Variants in SPATS2L observed in about 807,000 individuals in gnomAD.
SPATS2L encodes the protein SPATS2-like protein.
A neutral mutation model predicts 59.6 loss-of-function variants in SPATS2L; 30 were observed. The observed-to-expected ratio is 0.50, with a 90% CI of 0.38 to 0.68. The LOEUF (loss-of-function observed/expected upper bound fraction) is 0.68. Among genes scored for constraint, SPATS2L ranks in the 30% least tolerant of loss-of-function variants. SPATS2L has a pLI of 0.00. For synonymous variants in SPATS2L, 252 were observed against 263.5 expected (o/e 0.96, Z 0.42); for missense variants, 615 against 700.0 (o/e 0.88, Z 1.37).
intron 2 of SPATS2L, among the ~76,000 whole-genome samples, chr2:200,356,054 A>T (rs951107820): frequency 1.3e-5 from 2 of 152,240 alleles, no homozygotes; most frequent in African/African-American, 4.8e-5. Flanking sequence ...ATTCCTGTTT[A>T]CAAGTCAAAG....
In SPATS2L at chr2:200,416,409, A is replaced by G; in HGVS notation, c.179A>G (p.Asn60Ser). ...GCAATTCAAGTTCTAAAAGAATGGAATATGACAGGAAAAAAGAAGGTAAGA... is the reference window on the plus strand; with the variant it reads ...GCAATTCAAGTTCTAAAAGAATGGAGTATGACAGGAAAAAAGAAGGTAAGA... ...GSAIQVLKEWNMTGKKKNNKR... is the reference protein window; with the variant it reads ...GSAIQVLKEWSMTGKKKNNKR... The change falls in exon 5 of 13, where the codon AAT becomes AGT. Residue 60 changes from asparagine to serine, a missense_variant. Asn to Ser is a conservative substitution (Grantham distance 46). Around this residue, in one of 3 missense-constraint regions of SPATS2L, gnomAD observed 227 missense variants for 257.4 expected, o/e 0.88. Coordinates refer to ENST00000409140, the MANE Select transcript of SPATS2L (RefSeq NM_001100423.2). The G allele has an allele frequency of 6.7e-7, 1 of 1,493,328 alleles. No individual in the cohort carries two copies. Among genetic ancestry groups the G allele is most frequent in the Non-Finnish European group, 9.0e-7 (1 of 1,105,726 alleles). 92.5% of individuals were successfully genotyped at this position (1,493,328 alleles called of 1,614,324 possible).
At chr2:200,462,908 G>A (rs6730788) in intron 9 of SPATS2L, among the ~76,000 whole-genome samples, 137,578 of 151,918 alleles carry the variant, frequency 0.91, 62,856 homozygotes, top group Non-Finnish European at 0.97. Context: ...CCTATATAAC[G>A]GAGAGAGACC....
In SPATS2L at chr2:200,348,812, G is replaced by A. The variant is rs376478968; in HGVS notation, c.-23+19332G>A. Among the ~76,000 whole-genome samples, 23 of 151,030 alleles carry A rather than the reference G, an allele frequency of 1.5e-4. No individual in the cohort carries two copies. In the South Asian group the frequency reaches 2.9e-3, roughly 19 times the overall value. ...GTTAGGAAATGTTAACTATTACTCC[G>A]TTTCAGAGCTGGCCCTTGAAAGAAA... On this transcript the variant is annotated intron_variant, in intron 2 of 12. Coordinates refer to ENST00000409140, the MANE Select transcript of SPATS2L (RefSeq NM_001100423.2).
chr2:200,466,669 A>G (rs1172161118), intron 9 of SPATS2L, among the ~76,000 whole-genome samples: 1 of 152,240 alleles, frequency 6.6e-6, no homozygotes, highest in South Asian at 2.1e-4. Context: ...GGGGACACTT[A>G]TAGAAAGACC....
intron 3 of SPATS2L, 55 bp downstream of exon 3, chr2:200,389,338 C>A: frequency 7.7e-7 from 1 of 1,296,744 alleles, no homozygotes; most frequent in South Asian, 1.3e-5. Context: ...TAATGCAGTT[C>A]CTAGCAGGTA....
intron 4 of SPATS2L, among the ~76,000 whole-genome samples, chr2:200,414,476 TTTAA>T (rs1423941921): frequency 6.6e-6 from 1 of 151,942 alleles, no homozygotes; most frequent in Non-Finnish European, 1.5e-5. Context: ...ATTTTTTGTT[TTTAA>T]TTAGTCTAGA....
At chr2:200,355,809 C>G (rs1273689802) in intron 2 of SPATS2L, among the ~76,000 whole-genome samples, 2 of 151,700 alleles carry the variant, frequency 1.3e-5, no homozygotes, top group African/African-American at 4.9e-5. Flanking sequence ...TCTCTGACTT[C>G]AGTATTATGC....
intron 2 of SPATS2L, among the ~76,000 whole-genome samples, chr2:200,356,169 A>T (rs573085925): frequency 2.6e-5 from 4 of 152,234 alleles, no homozygotes; most frequent in African/African-American, 9.6e-5. Context: ...TATAAAGTGT[A>T]TTGGAATTTC....
intron 8 of SPATS2L, among the ~76,000 whole-genome samples, chr2:200,453,989 T>C (rs2085654795): frequency 6.6e-6 from 1 of 152,050 alleles, no homozygotes; most frequent in South Asian, 2.1e-4. Context: ...TGGGCCTGCC[T>C]CCCTCCCCAT....
At chr2:200,400,938 C>A (rs1457792831) in intron 3 of SPATS2L, among the ~76,000 whole-genome samples, 4 of 152,140 alleles carry the variant, frequency 2.6e-5, no homozygotes, top group Non-Finnish European at 5.9e-5. Flanking sequence ...TTCAAAGAGA[C>A]AACAATAGTA....
chr2:200,429,688 GAT>G (rs2106053169), intron 6 of SPATS2L, among the ~76,000 whole-genome samples: 1 of 152,150 alleles, frequency 6.6e-6, no homozygotes, highest in East Asian at 1.9e-4. Context: ...CCCAAAGAGA[GAT>G]ATACTCCTGT....
chr2:200,410,597 C>A (rs1438183607), intron 3 of SPATS2L, among the ~76,000 whole-genome samples: 1 of 152,056 alleles, frequency 6.6e-6, no homozygotes, highest in Non-Finnish European at 1.5e-5. Context: ...TCATCCATGC[C>A]TTGCCCCTCA....
chr2:200,370,034 T>C (rs1029853140), intron 2 of SPATS2L, among the ~76,000 whole-genome samples: 1 of 152,220 alleles, frequency 6.6e-6, no homozygotes, highest in Non-Finnish European at 1.5e-5. Flanking sequence ...AGGCCCTTAG[T>C]GCCTCGTCAT....
At chr2:200,420,145 T>G (rs977121089) in intron 6 of SPATS2L, among the ~76,000 whole-genome samples, 1 of 152,192 alleles carries the variant, frequency 6.6e-6, no homozygotes, top group East Asian at 1.9e-4. Context: ...AAAGGCCACT[T>G]CCTAATCCAC....
At chr2:200,430,148 G>A (rs548993129) in intron 6 of SPATS2L, among the ~76,000 whole-genome samples, 12 of 152,204 alleles carry the variant, frequency 7.9e-5, no homozygotes, top group African/African-American at 2.6e-4. Context: ...GTTCTGTGAC[G>A]ACAGAGACCA....
chr2:200,321,707 G>A (rs1468091707), intron 1 of SPATS2L, among the ~76,000 whole-genome samples: 1 of 152,200 alleles, frequency 6.6e-6, no homozygotes, highest in Admixed American at 6.5e-5. Context: ...CAAATTCAAA[G>A]TGAATTACTA....
intron 10 of SPATS2L, among the ~76,000 whole-genome samples, chr2:200,468,722 C>T (rs1222909101): frequency 6.6e-6 from 1 of 152,216 alleles, no homozygotes; most frequent in Non-Finnish European, 1.5e-5. Context: ...TAAGACCAGA[C>T]GTAAACTCCC....
intron 2 of SPATS2L, among the ~76,000 whole-genome samples, chr2:200,375,944 A>G (rs1298411664): frequency 6.6e-6 from 1 of 152,202 alleles, no homozygotes. Context: ...GCTGGTTTTA[A>G]AAGGGTGGCA....
At chr2:200,352,680 G>A (rs2080782559) in intron 2 of SPATS2L, among the ~76,000 whole-genome samples, 1 of 152,096 alleles carries the variant, frequency 6.6e-6, no homozygotes, top group African/African-American at 2.4e-5. Flanking sequence ...CAGGTAGACA[G>A]TAACTCAGTG....
Sources: gnomAD v4.1 joint callset for allele counts (sites outside exome capture counted in the v4.1 genomes callset) on GRCh38, gnomAD v4.1.1 for gene constraint, gnomAD v4.1.1 regional missense constraint, MANE v1.5 for transcripts, NCBI Gene and HGNC (gene_info 2026-07-23, HGNC 2026-07-21) for gene names.